AGBL4: variants seen among roughly 807,000 people sequenced by gnomAD.
AGBL4 encodes cytosolic carboxypeptidase 6.
Under a neutral mutation model 66.4 loss-of-function variants are expected in AGBL4, and 58 were observed. The observed-to-expected ratio is 0.87, with a 90% confidence interval of 0.71 to 1.09. The LOEUF (loss-of-function observed/expected upper bound fraction) is 1.09, where lower values mean the gene tolerates loss of function less well. Ranked by LOEUF, AGBL4 falls within the 50% of genes least tolerant of loss-of-function variation. The pLI, the probability that AGBL4 is intolerant of heterozygous loss-of-function variation, is 0.00. For missense variants in AGBL4, 579 were observed against 631.0 expected, an observed-to-expected ratio of 0.92 and a Z score of 0.88; for synonymous variants, 234 against 222.9, an observed-to-expected ratio of 1.05 and a Z score of -0.44.
At chr1:49,293,175 C>T (rs1644576123) in intron 3 of AGBL4, among the ~76,000 whole-genome samples, 1 of 152,202 alleles carries the variant, frequency 6.6e-6, no homozygotes, top group Non-Finnish European at 1.5e-5. Context: ...AGAGAGCCAT[C>T]TGTGCTGGCA....
chr1:48,928,541 A>C (rs1440654391), intron 5 of AGBL4, among the ~76,000 whole-genome samples: 1 of 152,158 alleles, frequency 6.6e-6, no homozygotes, highest in African/African-American at 2.4e-5. Context: ...CCTCAGGCTT[A>C]GTATTTTCCT....
At chr1:49,528,827 T>G (rs1208133587) in intron 3 of AGBL4, among the ~76,000 whole-genome samples, 1 of 152,128 alleles carries the variant, frequency 6.6e-6, no homozygotes, top group African/African-American at 2.4e-5. Flanking sequence ...TTTGAGATCC[T>G]ATGGTTTATA....
intron 3 of AGBL4, among the ~76,000 whole-genome samples, chr1:49,329,657 C>A (rs1645293194): frequency 2.6e-5 from 4 of 151,446 alleles, no homozygotes. Flanking sequence ...CATAGTGAGA[C>A]CCCCCGCCCC....
At chr1:48,924,145 G>GT (rs555543694) in intron 5 of AGBL4, among the ~76,000 whole-genome samples, 7 of 151,964 alleles carry the variant, frequency 4.6e-5, no homozygotes, top group Middle Eastern at 3.4e-3. Flanking sequence ...ATTATGGAAG[G>GT]TTTTTTTGTC....
At chr1:49,789,667 G>T (rs1644545946) in intron 2 of AGBL4, among the ~76,000 whole-genome samples, 1 of 152,176 alleles carries the variant, frequency 6.6e-6, no homozygotes, top group South Asian at 2.1e-4. Context: ...ACAAACCACT[G>T]CTCAAGGAAA....
At chr1:49,893,338 T>G (rs1648845177) in intron 1 of AGBL4, among the ~76,000 whole-genome samples, 1 of 152,056 alleles carries the variant, frequency 6.6e-6, no homozygotes, top group Non-Finnish European at 1.5e-5. Flanking sequence ...AACAACTATC[T>G]ACACAAAAAA....
chr1:48,917,248 A>G (rs954713947), intron 5 of AGBL4, among the ~76,000 whole-genome samples: 1 of 151,922 alleles, frequency 6.6e-6, no homozygotes, highest in Non-Finnish European at 1.5e-5. Flanking sequence ...ATTATTATTT[A>G]TAAAATACAT....
chr1:49,704,912 A>T (rs933014817), intron 2 of AGBL4, among the ~76,000 whole-genome samples: 1 of 151,970 alleles, frequency 6.6e-6, no homozygotes, highest in Non-Finnish European at 1.5e-5. Flanking sequence ...AATATACAGG[A>T]TCTTTCTTGG....
At chr1:48,722,774 G>A (rs1647172941) in intron 6 of AGBL4, among the ~76,000 whole-genome samples, 1 of 152,126 alleles carries the variant, frequency 6.6e-6, no homozygotes, top group African/African-American at 2.4e-5. Context: ...GAGAGTAAGA[G>A]GTGACATCTT....
intron 3 of AGBL4, among the ~76,000 whole-genome samples, chr1:49,611,092 G>A (rs558876429): frequency 1.3e-5 from 2 of 152,292 alleles, no homozygotes; most frequent in South Asian, 4.1e-4. Context: ...TGGGGAGAGA[G>A]TAGTTACCAA....
At chr1:49,393,308 G>A (rs536485536) in intron 3 of AGBL4, among the ~76,000 whole-genome samples, 1 of 152,272 alleles carries the variant, frequency 6.6e-6, no homozygotes, top group East Asian at 1.9e-4. Context: ...ATGAATTTTA[G>A]TTATCAGTTA....
At chr1:48,881,458 G>A (rs1005274720) in intron 5 of AGBL4, among the ~76,000 whole-genome samples, 5 of 152,092 alleles carry the variant, frequency 3.3e-5, no homozygotes, top group African/African-American at 1.2e-4. Context: ...ACTCTCAGGG[G>A]ATAACCACCT....
chr1:49,856,021 G>C (rs963574820), intron 1 of AGBL4, among the ~76,000 whole-genome samples: 1 of 131,666 alleles, frequency 7.6e-6, no homozygotes, highest in African/African-American at 3.0e-5. Context: ...AAAGAGAGAA[G>C]ACTCAAATAA....
At chr1:49,562,185 T>C (rs1310705781) in intron 3 of AGBL4, among the ~76,000 whole-genome samples, 1 of 152,128 alleles carries the variant, frequency 6.6e-6, no homozygotes, top group Non-Finnish European at 1.5e-5. Flanking sequence ...TGTGTTTGAG[T>C]TCATTGTAGA....
intron 2 of AGBL4, among the ~76,000 whole-genome samples, chr1:49,823,638 A>G (rs1217723437): frequency 1.3e-5 from 2 of 152,118 alleles, no homozygotes; most frequent in Non-Finnish European, 2.9e-5. Context: ...TTGAGGAGAG[A>G]TTTTGAAATG....
At chr1:49,097,673 G>A (rs1156233977) in intron 4 of AGBL4, among the ~76,000 whole-genome samples, 2 of 152,184 alleles carry the variant, frequency 1.3e-5, no homozygotes, top group South Asian at 2.1e-4. Context: ...CTCTACCTCC[G>A]AGGTTGAAGC....
At chr1:48,904,828 A>G (rs1476912079) in intron 5 of AGBL4, among the ~76,000 whole-genome samples, 3 of 152,212 alleles carry the variant, frequency 2.0e-5, no homozygotes, top group Admixed American at 2.0e-4. Context: ...ACCAACATAG[A>G]AAAACTTCAA....
At chr1:49,286,509 C>G (rs1644413621) in intron 3 of AGBL4, among the ~76,000 whole-genome samples, 1 of 152,128 alleles carries the variant, frequency 6.6e-6, no homozygotes, top group Non-Finnish European at 1.5e-5. Flanking sequence ...GCAACTTCAG[C>G]AAAGTCTCAG....
intron 1 of AGBL4, among the ~76,000 whole-genome samples, chr1:50,021,907 C>G (rs1408063842): frequency 6.6e-6 from 1 of 152,196 alleles, no homozygotes; most frequent in African/African-American, 2.4e-5. Flanking sequence ...ACTGGAAGAT[C>G]TGGCTTCAGC....
Sources: gnomAD v4.1 joint callset for allele counts (sites outside exome capture counted in the v4.1 genomes callset) on GRCh38, gnomAD v4.1.1 for gene constraint, MANE v1.5 for transcripts, NCBI Gene and HGNC (gene_info 2026-07-23, HGNC 2026-07-21) for gene names.